EDIL3: variants seen among roughly 807,000 people sequenced by gnomAD.
The protein encoded by EDIL3 is EGF like and discoidin domains 3.
EDIL3 carries 37 observed loss-of-function variants against 67.4 expected under a neutral mutation model. The observed-to-expected ratio is 0.55, with a 90% CI of 0.42 to 0.72. EDIL3 has a LOEUF of 0.72. Among genes scored for constraint, EDIL3 ranks in the 30% least tolerant of loss-of-function variants. EDIL3 has a pLI of 0.00. For missense variants in EDIL3, 527 were observed against 586.3 expected, an observed-to-expected ratio of 0.90 and a Z score of 1.04; for synonymous variants, 195 against 196.3, an observed-to-expected ratio of 0.99 and a Z score of 0.05.
chr5:83,998,276 G>A (rs1745268426), intron 9 of EDIL3, among the ~76,000 whole-genome samples: 1 of 152,156 alleles, frequency 6.6e-6, no homozygotes, highest in Non-Finnish European at 1.5e-5. Flanking sequence ...TCATGGAGCA[G>A]AGTCCTGATG....
intron 5 of EDIL3, among the ~76,000 whole-genome samples, chr5:84,122,900 TTA>T (rs1747804231): frequency 1.3e-5 from 2 of 151,924 alleles, no homozygotes; most frequent in Non-Finnish European, 2.9e-5. Context: ...ATTTAATACT[TTA>T]GTTTTCTAAG....
At chr5:84,242,002 C>T (rs994595017) in intron 2 of EDIL3, among the ~76,000 whole-genome samples, 4 of 147,918 alleles carry the variant, frequency 2.7e-5, no homozygotes. Context: ...GGGCAGATCA[C>T]GAAGTCAGGA....
chr5:84,214,722 TG>T (rs1236175992), intron 3 of EDIL3, among the ~76,000 whole-genome samples: 1 of 151,832 alleles, frequency 6.6e-6, no homozygotes, highest in Non-Finnish European at 1.5e-5. Flanking sequence ...AAGTGTGGTT[TG>T]TTTTTTTTTT....
intron 1 of EDIL3, among the ~76,000 whole-genome samples, chr5:84,300,889 G>A (rs72778403): frequency 0.091 from 13,789 of 151,790 alleles, 784 homozygotes; most frequent in South Asian, 0.2. Context: ...CTAGAATTTA[G>A]GTATGCTGAC....
At chr5:84,324,135 G>A (rs1170765704) in intron 1 of EDIL3, among the ~76,000 whole-genome samples, 2 of 151,742 alleles carry the variant, frequency 1.3e-5, no homozygotes, top group Non-Finnish European at 1.5e-5. Flanking sequence ...ACATCCACAT[G>A]GGACATTTTC....
chr5:84,098,344 CAA>C (rs1363363435), intron 6 of EDIL3, among the ~76,000 whole-genome samples: 3 of 151,966 alleles, frequency 2.0e-5, no homozygotes, highest in African/African-American at 7.2e-5. Flanking sequence ...GCGAAGTACT[CAA>C]AGGTTTCATT....
At position 84,384,491 on chromosome 5, in the gene EDIL3, A is replaced by T; in HGVS notation, c.-117T>A. ...CGCCCCTACTAAAGAATTCAAGAAG[A>T]CGTTCTCTTTCCTCAGCGCTTTGTT... is the stretch of plus-strand genomic sequence containing the variant. On this transcript the variant is annotated 5_prime_UTR_variant, in exon 1 of 11. Coordinates refer to ENST00000296591, the MANE Select transcript of EDIL3 (RefSeq NM_005711.5). 1.0e-6 allele frequency: 1 copy of T among 954,520 alleles called. No individual in the cohort carries two copies. The highest frequency in any genetic ancestry group is 1.6e-6 in the Non-Finnish European group (1 of 624,456). The allele number at this position is 954,520 out of a possible 1,614,324, so 59.1% of individuals were successfully genotyped here.
At chr5:84,379,920 G>A (rs765603505) in intron 1 of EDIL3, among the ~76,000 whole-genome samples, 36 of 151,580 alleles carry the variant, frequency 2.4e-4, no homozygotes, top group Admixed American at 3.9e-4. Flanking sequence ...AAAGATCTTC[G>A]TTGATTATCC....
At chr5:84,352,233 T>C (rs1387146521) in intron 1 of EDIL3, among the ~76,000 whole-genome samples, 1 of 152,162 alleles carries the variant, frequency 6.6e-6, no homozygotes, top group African/African-American at 2.4e-5. Flanking sequence ...TGGAGATTTC[T>C]TAAAGAGCCA....
intron 4 of EDIL3, among the ~76,000 whole-genome samples, chr5:84,137,721 T>G (rs1210498023): frequency 6.6e-6 from 1 of 152,118 alleles, no homozygotes; most frequent in African/African-American, 2.4e-5. Flanking sequence ...TCGAGAAACC[T>G]CCCCTGCAGC....
intron 9 of EDIL3, among the ~76,000 whole-genome samples, chr5:84,048,979 CA>C (rs1225607146): frequency 5.4e-4 from 82 of 152,036 alleles, no homozygotes; most frequent in Non-Finnish European, 4.0e-4. Flanking sequence ...CTAATCTGAG[CA>C]GAAGTAAAAA....
intron 3 of EDIL3, among the ~76,000 whole-genome samples, chr5:84,186,873 T>C (rs1399566957): frequency 6.6e-6 from 1 of 152,056 alleles, no homozygotes; most frequent in African/African-American, 2.4e-5. Context: ...CAATCTCAAT[T>C]GCTTGTCACT....
chr5:84,099,934 T>G (rs1747331688), intron 6 of EDIL3, among the ~76,000 whole-genome samples: 1 of 151,902 alleles, frequency 6.6e-6, no homozygotes, highest in South Asian at 2.1e-4. Flanking sequence ...CAGACACTTC[T>G]CAGAAGAAGA....
At chr5:84,196,632 C>A (rs1743712370) in intron 3 of EDIL3, among the ~76,000 whole-genome samples, 1 of 151,926 alleles carries the variant, frequency 6.6e-6, no homozygotes, top group African/African-American at 2.4e-5. Flanking sequence ...TCTCAAGTGC[C>A]TGGTAATGAT....
At chr5:84,363,812 A>C (rs890537393) in intron 1 of EDIL3, among the ~76,000 whole-genome samples, 5 of 152,150 alleles carry the variant, frequency 3.3e-5, no homozygotes, top group African/African-American at 1.2e-4. Context: ...CAACTTCTAG[A>C]TCTCAACTGG....
chr5:84,375,778 A>C (rs954479662), intron 1 of EDIL3, among the ~76,000 whole-genome samples: 3 of 152,232 alleles, frequency 2.0e-5, no homozygotes, highest in Non-Finnish European at 4.4e-5. Context: ...CCAAGTGCTC[A>C]TCTTCTTACC....
intron 1 of EDIL3, among the ~76,000 whole-genome samples, chr5:84,280,567 T>C (rs551686912): frequency 6.6e-6 from 1 of 152,272 alleles, no homozygotes; most frequent in Non-Finnish European, 1.5e-5. Flanking sequence ...GTTAAGAATG[T>C]GAGCCCTGGA....
At chr5:84,160,477 T>A (rs968964548) in intron 4 of EDIL3, among the ~76,000 whole-genome samples, 2 of 151,784 alleles carry the variant, frequency 1.3e-5, no homozygotes, top group Non-Finnish European at 2.9e-5. Flanking sequence ...TTTTAATACT[T>A]TATTTTATTT....
At chr5:84,338,251 T>C (rs1207191479) in intron 1 of EDIL3, among the ~76,000 whole-genome samples, 1 of 152,144 alleles carries the variant, frequency 6.6e-6, no homozygotes, top group African/African-American at 2.4e-5. Flanking sequence ...TGACTAAATT[T>C]GGCTGTCCCT....
Sources: allele counts gnomAD v4.1 joint callset (sites outside exome capture counted in the v4.1 genomes callset), GRCh38; gene constraint gnomAD v4.1.1; transcripts MANE v1.5; gene names NCBI Gene and HGNC (gene_info 2026-07-23, HGNC 2026-07-21).